SMYD3: variants seen among roughly 807,000 people sequenced by gnomAD.
SMYD3 encodes the protein SET and MYND domain containing 3.
SMYD3 carries 36 observed loss-of-function variants against 57.7 expected under a neutral mutation model. The observed-to-expected ratio is 0.62, with a 90% CI of 0.48 to 0.82. The LOEUF is 0.82. Ranked by LOEUF, SMYD3 falls within the 40% of genes least tolerant of loss-of-function variation. The pLI is 0.00. For missense variants in SMYD3, 515 were observed against 538.8 expected, an observed-to-expected ratio of 0.96 and a Z score of 0.44; for synonymous variants, 211 against 195.0, an observed-to-expected ratio of 1.08 and a Z score of -0.68.
intron 5 of SMYD3, among the ~76,000 whole-genome samples, chr1:246,206,440 C>T (rs1309638390): frequency 1.3e-5 from 2 of 151,634 alleles, no homozygotes; most frequent in Non-Finnish European, 2.9e-5. Flanking sequence ...AAGAATCTCA[C>T]AGAAATATAA....
intron 9 of SMYD3, among the ~76,000 whole-genome samples, chr1:245,860,737 G>A (rs1572533079): frequency 6.6e-6 from 1 of 152,242 alleles, no homozygotes. Context: ...GAGGTTGGGG[G>A]AAGCAGTATC....
chr1:246,414,882 A>G (rs1421503042), intron 1 of SMYD3, among the ~76,000 whole-genome samples: 1 of 151,742 alleles, frequency 6.6e-6, no homozygotes, highest in Non-Finnish European at 1.5e-5. Flanking sequence ...AGGCCCAGCT[A>G]ATTTTTGTAT....
chr1:245,994,038 T>G (rs2058872842), intron 5 of SMYD3, among the ~76,000 whole-genome samples: 1 of 152,220 alleles, frequency 6.6e-6, no homozygotes, highest in African/African-American at 2.4e-5. Context: ...TTCTAAGGTG[T>G]AGGAAGAAAT....
intron 1 of SMYD3, among the ~76,000 whole-genome samples, chr1:246,424,806 C>T (rs887093186): frequency 6.6e-6 from 1 of 152,096 alleles, no homozygotes; most frequent in Non-Finnish European, 1.5e-5. Flanking sequence ...TTTGCAAAAT[C>T]GTTTTATCAT....
At chr1:246,337,354 T>C (rs2065558860) in intron 2 of SMYD3, among the ~76,000 whole-genome samples, 1 of 152,242 alleles carries the variant, frequency 6.6e-6, no homozygotes, top group Admixed American at 6.5e-5. Context: ...TGTCACCCTT[T>C]AGAGAGTTAG....
At chr1:245,839,935 A>G (rs1428199176) in intron 10 of SMYD3, among the ~76,000 whole-genome samples, 3 of 152,206 alleles carry the variant, frequency 2.0e-5, no homozygotes, top group African/African-American at 7.2e-5. Flanking sequence ...GGAACTATCC[A>G]AAAACAAGAA....
At chr1:246,436,182 T>C (rs927745826) in intron 1 of SMYD3, among the ~76,000 whole-genome samples, 2 of 120,634 alleles carry the variant, frequency 1.7e-5, no homozygotes, top group African/African-American at 5.5e-5. Context: ...AACCATTCTT[T>C]CTTATTTGAA....
At chr1:246,015,606 C>A (rs571016976) in intron 5 of SMYD3, among the ~76,000 whole-genome samples, 7 of 152,244 alleles carry the variant, frequency 4.6e-5, no homozygotes, top group African/African-American at 1.7e-4. Context: ...CATTCCCGAC[C>A]CTCTCCCCTC....
intron 5 of SMYD3, among the ~76,000 whole-genome samples, chr1:246,100,625 A>G (rs139507089): frequency 2.0e-3 from 300 of 152,320 alleles, no homozygotes; most frequent in African/African-American, 6.4e-3. Flanking sequence ...CCCAAGACAG[A>G]AGATATTCAC....
At chr1:246,148,966 G>A (rs149996653) in intron 5 of SMYD3, among the ~76,000 whole-genome samples, 3 of 152,200 alleles carry the variant, frequency 2.0e-5, no homozygotes, top group African/African-American at 7.2e-5. Context: ...ACAACTCAGG[G>A]TGGGTCCCAG....
chr1:246,254,810 A>G (rs1372384908), intron 5 of SMYD3, among the ~76,000 whole-genome samples: 1 of 152,150 alleles, frequency 6.6e-6, no homozygotes, highest in Non-Finnish European at 1.5e-5. Flanking sequence ...GATTTCTTTC[A>G]GCAGTGTTTT....
chr1:246,180,183 A>C (rs974781147), intron 5 of SMYD3, among the ~76,000 whole-genome samples: 1 of 148,232 alleles, frequency 6.7e-6, no homozygotes, highest in Non-Finnish European at 1.5e-5. Context: ...ATATATCTAC[A>C]TATAGTAGAA....
At chr1:245,841,095 G>C (rs2050379828) in intron 10 of SMYD3, among the ~76,000 whole-genome samples, 1 of 152,174 alleles carries the variant, frequency 6.6e-6, no homozygotes, top group African/African-American at 2.4e-5. Context: ...GAGAAGTTCT[G>C]TAGAATATAA....
At chr1:245,919,775 T>C (rs1387418788) in intron 7 of SMYD3, among the ~76,000 whole-genome samples, 1 of 152,220 alleles carries the variant, frequency 6.6e-6, no homozygotes, top group African/African-American at 2.4e-5. Context: ...ACTTGGCCAT[T>C]GATCAGTAGA....
chr1:246,216,303 T>TAAAAAGA (rs2063163137), intron 5 of SMYD3, among the ~76,000 whole-genome samples: 5 of 110,958 alleles, frequency 4.5e-5, no homozygotes, highest in African/African-American at 3.5e-5. Flanking sequence ...AAAAAAAAAC[T>TAAAAAGA]CATAAGCAGA....
chr1:245,865,484 C>T (rs1257080591), intron 8 of SMYD3, among the ~76,000 whole-genome samples: 12 of 152,324 alleles, frequency 7.9e-5, no homozygotes, highest in South Asian at 6.2e-4. Flanking sequence ...CATGACAAAA[C>T]TGAGACTCAG....
chr1:246,174,181 C>G (rs370527074), intron 5 of SMYD3, among the ~76,000 whole-genome samples: 1 of 151,954 alleles, frequency 6.6e-6, no homozygotes, highest in African/African-American at 2.4e-5. Context: ...AATATATAAA[C>G]GAGCAACACA....
At chr1:246,485,559 A>G (rs559798832) in intron 1 of SMYD3, among the ~76,000 whole-genome samples, 3 of 152,230 alleles carry the variant, frequency 2.0e-5, no homozygotes, top group African/African-American at 7.2e-5. Flanking sequence ...ATGCAAGAGG[A>G]TCACTTGAGG....
intron 7 of SMYD3, among the ~76,000 whole-genome samples, chr1:245,922,275 C>T (rs908965255): frequency 2.0e-5 from 3 of 152,210 alleles, no homozygotes; most frequent in Non-Finnish European, 4.4e-5. Context: ...TCATTTCAGA[C>T]TTAAAGGTAC....
Sources: gnomAD v4.1 joint callset for allele counts (sites outside exome capture counted in the v4.1 genomes callset) on GRCh38, gnomAD v4.1.1 for gene constraint, MANE v1.5 for transcripts, NCBI Gene and HGNC (gene_info 2026-07-23, HGNC 2026-07-21) for gene names.